Variants in CEMIP observed in about 807,000 individuals in gnomAD.
CEMIP encodes the protein cell migration-inducing and hyaluronan-binding protein.
In CEMIP, 105 loss-of-function variants were observed where a neutral mutation model predicts 156.9. That is an observed-to-expected ratio of 0.67 (90% confidence interval 0.57 to 0.79). The LOEUF is 0.79. Among genes scored for constraint, CEMIP ranks in the 30% least tolerant of loss-of-function variants. The probability of loss-of-function intolerance (pLI) is 0.00; values close to 1 mark genes in which losing one functional copy is unlikely to be tolerated. For synonymous variants in CEMIP, 676 were observed against 668.4 expected, an observed-to-expected ratio of 1.01 and a Z score of -0.17; for missense variants, 1,457 against 1,769.4, an observed-to-expected ratio of 0.82 and a Z score of 3.17.
intron 1 of CEMIP, among the ~76,000 whole-genome samples, chr15:80,828,030 G>A (rs1356236249): frequency 2.0e-5 from 3 of 152,144 alleles, no homozygotes; most frequent in Non-Finnish European, 4.4e-5. Flanking sequence ...CATTATCAAA[G>A]GGTTAAAAAA....
At chr15:80,832,136 C>G (rs970071765) in intron 1 of CEMIP, among the ~76,000 whole-genome samples, 4 of 152,156 alleles carry the variant, frequency 2.6e-5, no homozygotes, top group Admixed American at 2.0e-4. Flanking sequence ...GTCGGCTGGC[C>G]TGCTTTTGTT....
At chr15:80,929,634 G>A (rs1336475908) in intron 21 of CEMIP, among the ~76,000 whole-genome samples, 2 of 152,212 alleles carry the variant, frequency 1.3e-5, no homozygotes, top group African/African-American at 2.4e-5. Context: ...CAGAAGACAG[G>A]ATCATCACTT....
chr15:80,901,313 C>T (rs1390041670), intron 12 of CEMIP, among the ~76,000 whole-genome samples: 1 of 152,148 alleles, frequency 6.6e-6, no homozygotes, highest in African/African-American at 2.4e-5. Flanking sequence ...AACTGAGGCT[C>T]ATGGAAATTA....
intron 1 of CEMIP, among the ~76,000 whole-genome samples, chr15:80,785,805 C>A (rs1409139629): frequency 2.0e-5 from 3 of 152,118 alleles, no homozygotes; most frequent in Non-Finnish European, 4.4e-5. Flanking sequence ...TCTTACCTGC[C>A]TCAGATGCAT....
At chr15:80,830,260 T>TG (rs985335587) in intron 1 of CEMIP, among the ~76,000 whole-genome samples, 2 of 152,206 alleles carry the variant, frequency 1.3e-5, no homozygotes, top group African/African-American at 2.4e-5. Context: ...CATATTTATC[T>TG]GTTAGCAACA....
intron 29 of CEMIP, chr15:80,947,337 A>G (rs1245947991): frequency 2.2e-6 from 1 of 452,902 alleles, no homozygotes; most frequent in Non-Finnish European, 4.1e-6. Context: ...TTGCTTGGAA[A>G]GTGGCCCTTT....
rs139550122 is a variant in CEMIP, at chr15:80,930,651, T to C, written c.2613-1208T>C. Among the ~76,000 whole-genome samples, 532 of 152,108 alleles carry C rather than the reference T, an allele frequency of 3.5e-3. 5 individuals carry two copies. The highest frequency in any genetic ancestry group is 0.012 in the African/African-American group (496 of 41,500). On this transcript the variant is annotated intron_variant, in intron 21 of 29. Transcript: ENST00000394685. ...TGTTAATCAATTATAAACGTAAAAATATAGAAATGCAAGGAGTCTTTGGTG... is the reference window on the plus strand; with the variant it reads ...TGTTAATCAATTATAAACGTAAAAACATAGAAATGCAAGGAGTCTTTGGTG...
At position 80,946,970 on chromosome 15, in the gene CEMIP, T is replaced by C. The variant is rs1412629891; in HGVS notation, c.3863T>C (p.Ile1288Thr). 6.2e-6 allele frequency: 10 copies of C among 1,611,122 alleles called. No individual in the cohort carries two copies. Among genetic ancestry groups the C allele is most frequent in the Non-Finnish European group, 7.6e-6 (9 of 1,177,278 alleles). The change falls in exon 29 of 30, where the codon ATA becomes ACA. Residue 1288 changes from isoleucine (I) to threonine (T), a missense_variant. Ile to Thr is a moderately conservative substitution (Grantham distance 89). This residue lies in a region of CEMIP where 798 missense variants were observed against 980.1 expected (regional missense o/e 0.81). Coordinates refer to ENST00000394685, the MANE Select transcript of CEMIP (RefSeq NM_001293298.2). ...ATTGGTTTCTTCTCACACAGTTCCA[T>C]AGTGCTTATGGCATCAAAGGGAAGA... Reference protein sequence around the residue: ...NYVATIPDNSIVLMASKGRYV... With the variant: ...NYVATIPDNSTVLMASKGRYV...
chr15:80,856,640 C>A (rs1424966001), intron 1 of CEMIP, among the ~76,000 whole-genome samples: 4 of 152,180 alleles, frequency 2.6e-5, no homozygotes, highest in Admixed American at 2.0e-4. Context: ...CAGGAACTGT[C>A]ATCCTTACAT....
chr15:80,795,122 G>T (rs771233151), intron 1 of CEMIP, among the ~76,000 whole-genome samples: 3 of 152,070 alleles, frequency 2.0e-5, no homozygotes, highest in Admixed American at 6.5e-5. Context: ...GGGAGGCAGG[G>T]GTGAGGGGGC....
chr15:80,838,411 G>A (rs955575314), intron 1 of CEMIP, among the ~76,000 whole-genome samples: 7 of 152,046 alleles, frequency 4.6e-5, no homozygotes, highest in African/African-American at 1.7e-4. Flanking sequence ...TTTGAAGTTG[G>A]AATGAAAAAT....
In CEMIP at chr15:80,870,134, T is replaced by C. The variant is rs538184379; in HGVS notation, c.-175-3404T>C. 3.3e-5 allele frequency among the ~76,000 whole-genome samples: 5 copies of C among 152,320 alleles called. No individual in the cohort carries two copies. The East Asian group carries it at 9.7e-4, about 29-fold the overall frequency. ...TCCATGTGAGCTGCATGGCTGGGAT[T>C]GAAGACTCTGGAGCCCATGCTCCTG... On this transcript the variant is annotated intron_variant, in intron 1 of 29. Transcript: ENST00000394685.
At chr15:80,842,213 G>C (rs1596127399) in intron 1 of CEMIP, 2 of 339,180 alleles carry the variant, frequency 5.9e-6, no homozygotes, top group East Asian at 2.3e-4. Flanking sequence ...TAAACAGAGT[G>C]GTGGATTAAA....
chr15:80,936,046 G>A (rs187010678), intron 23 of CEMIP, among the ~76,000 whole-genome samples: 1 of 152,314 alleles, frequency 6.6e-6, no homozygotes, highest in African/African-American at 2.4e-5. Context: ...CCAACACAGT[G>A]TTTTAAACCA....
intron 1 of CEMIP, among the ~76,000 whole-genome samples, chr15:80,840,848 G>A (rs1028637973): frequency 1.3e-5 from 2 of 152,222 alleles, no homozygotes. Flanking sequence ...AGTGGACTGA[G>A]CCTTGTGGTC....
chr15:80,842,047 C>G (rs1271402610), intron 1 of CEMIP: 1 of 525,678 alleles, frequency 1.9e-6, no homozygotes, highest in Admixed American at 2.0e-5. Context: ...TGGATGAGCT[C>G]TCAATATATT....
rs199686974 is a variant in CEMIP at position 80,925,800 on chromosome 15, G to A, written c.2420+45G>A. On this transcript the variant is annotated intron_variant, in intron 19 of 29. Transcript: ENST00000394685. The stretch of plus-strand genomic sequence containing the variant: ...GGCTTTGGCACAAAGGGGGCATGGC[G>A]CGTCTTCCCCTAGCCCCCTACAGAG... 328 of 1,598,976 alleles carry A rather than the reference G, an allele frequency of 2.1e-4. 2 individuals carry two copies. The African/African-American group carries it at 3.6e-3, about 18-fold the overall frequency.
intron 1 of CEMIP, among the ~76,000 whole-genome samples, chr15:80,808,758 G>T (rs1406991508): frequency 4.7e-5 from 7 of 149,206 alleles, no homozygotes; most frequent in Middle Eastern, 3.4e-3. Flanking sequence ...GAGATAACAG[G>T]TTCAAGCGAA....
chr15:80,933,565 A>G (rs1901007873), intron 23 of CEMIP, 105 bp downstream of exon 23: 1 of 850,404 alleles, frequency 1.2e-6, no homozygotes, highest in South Asian at 1.9e-5. Context: ...CCAGAAAGAG[A>G]TACAGAATTT....
Sources: allele counts gnomAD v4.1 joint callset (sites outside exome capture counted in the v4.1 genomes callset), GRCh38; gene constraint gnomAD v4.1.1; regional missense constraint gnomAD v4.1.1; transcripts MANE v1.5; gene names NCBI Gene and HGNC (gene_info 2026-07-23, HGNC 2026-07-21).